The following SEPTIN9 variants were observed in gnomAD, a reference collection of about 807,000 sequenced individuals.
The protein encoded by SEPTIN9 is septin 9.
SEPTIN9 carries 13 observed loss-of-function variants against 56.6 expected under a neutral mutation model. The observed-to-expected ratio is 0.23, with a 90% confidence interval of 0.15 to 0.37. The LOEUF is 0.37. Ranked by LOEUF, SEPTIN9 falls within the 10% of genes least tolerant of loss-of-function variation. The pLI, the probability that SEPTIN9 is intolerant of heterozygous loss-of-function variation, is 1.00. For synonymous variants in SEPTIN9, 332 were observed against 334.1 expected, an observed-to-expected ratio of 0.99 and a Z score of 0.07; for missense variants, 650 against 823.1, an observed-to-expected ratio of 0.79 and a Z score of 2.57.
Position 77,488,772 on chromosome 17 carries a change from C to T in SEPTIN9, c.1170C>T (p.Tyr390=). 28 of 1,613,924 alleles carry T rather than the reference C, an allele frequency of 1.7e-5. No individual in the cohort carries two copies. Among genetic ancestry groups the T allele is most frequent in the Non-Finnish European group, 2.4e-5 (28 of 1,179,962 alleles). Residue 390 remains tyrosine (Y), a synonymous_variant, in exon 7 of 12, where the codon TAC becomes TAT. Transcript: ENST00000427177. ...MKFINDQYEK[Y]LQEEVNINRK... ...TCATCAATGACCAGTACGAGAAATA[C>T]CTGCAGGAGGAGGTCAACATCAACC...
chr17:77,334,584 A>G (rs1280152881), intron 2 of SEPTIN9, among the ~76,000 whole-genome samples: 1 of 151,750 alleles, frequency 6.6e-6, no homozygotes, highest in Non-Finnish European at 1.5e-5. Flanking sequence ...TTTTGTTTTC[A>G]TAAAGTCCAA....
intron 2 of SEPTIN9, among the ~76,000 whole-genome samples, chr17:77,332,730 T>C (rs1374693423): frequency 1.3e-5 from 2 of 152,172 alleles, no homozygotes; most frequent in Non-Finnish European, 2.9e-5. Context: ...TTGTGCTTTT[T>C]TTCCACCACG....
intron 1 of SEPTIN9, among the ~76,000 whole-genome samples, chr17:77,288,647 C>G (rs1345994219): frequency 1.3e-5 from 2 of 152,244 alleles, no homozygotes; most frequent in East Asian, 1.9e-4. Context: ...GTAACCCAAG[C>G]CAGTTGGAAG....
chr17:77,382,803 G>A (rs2035191605), intron 2 of SEPTIN9, among the ~76,000 whole-genome samples: 1 of 152,172 alleles, frequency 6.6e-6, no homozygotes, highest in Admixed American at 6.5e-5. Context: ...GCCCAGTACT[G>A]TGCAGAGGGA....
rs777458266 is a variant in SEPTIN9, at chr17:77,487,883, G to A, written c.1042+331G>A. On this transcript the variant is annotated intron_variant, in intron 5 of 11. Coordinates refer to ENST00000427177, the MANE Select transcript of SEPTIN9 (RefSeq NM_001113491.2). The surrounding 1 kb of genome is among the most constrained non-coding windows in gnomAD (Gnocchi z 4.3). ...GCACTGGTGCGGTGTGAGGGTGCCCGAGTCAGGCAATCCCAGGTCCCCAAG... is the reference window on the plus strand; with the variant it reads ...GCACTGGTGCGGTGTGAGGGTGCCCAAGTCAGGCAATCCCAGGTCCCCAAG... 1.4e-4 allele frequency among the ~76,000 whole-genome samples: 21 copies of A among 152,152 alleles called. No individual in the cohort carries two copies. Among genetic ancestry groups the A allele is most frequent in the Non-Finnish European group, 2.5e-4 (17 of 68,016 alleles).
chr17:77,352,405 TCAAAAA>T (rs57563817), intron 2 of SEPTIN9, among the ~76,000 whole-genome samples: 118 of 147,542 alleles, frequency 8.0e-4, no homozygotes, highest in Middle Eastern at 6.9e-3. Flanking sequence ...AGACTCCGTC[TCAAAAA>T]CAAAAACAAA....
chr17:77,304,985 G>T (rs1046564718), intron 1 of SEPTIN9, among the ~76,000 whole-genome samples: 1 of 151,930 alleles, frequency 6.6e-6, no homozygotes, highest in African/African-American at 2.4e-5. Context: ...CTCCCCTCCT[G>T]GTCCTGGGCA....
At chr17:77,337,989 G>A (rs2033608738) in intron 2 of SEPTIN9, among the ~76,000 whole-genome samples, 1 of 152,134 alleles carries the variant, frequency 6.6e-6, no homozygotes, top group African/African-American at 2.4e-5. Context: ...TTGAGGTTAG[G>A]AGTTTGAGAA....
intron 2 of SEPTIN9, among the ~76,000 whole-genome samples, chr17:77,311,416 C>G (rs1835795666): frequency 6.6e-6 from 1 of 152,160 alleles, no homozygotes; most frequent in Admixed American, 6.5e-5. Flanking sequence ...ACCCCGCCCG[C>G]AGGAAGTCTC....
At chr17:77,315,249 T>C (rs1451996763) in intron 2 of SEPTIN9, among the ~76,000 whole-genome samples, 1 of 151,614 alleles carries the variant, frequency 6.6e-6, no homozygotes, top group Non-Finnish European at 1.5e-5. Context: ...AAAGAAGCAG[T>C]TCCTAGGCCA....
In SEPTIN9 at chr17:77,402,880, C is replaced by G. The variant is rs538043626; in HGVS notation, c.721+177C>G. Among the ~76,000 whole-genome samples the G allele has an allele frequency of 6.6e-6, 1 of 152,288 alleles. No individual in the cohort carries two copies. The highest frequency in any genetic ancestry group is 2.4e-5 in the African/African-American group (1 of 41,538). On this transcript the variant is annotated intron_variant, in intron 3 of 11. Transcript: ENST00000427177. The surrounding 1 kb of genome is among the most constrained non-coding windows in gnomAD (Gnocchi z 6.6). The stretch of plus-strand genomic sequence containing the variant: ...CTGCAAGCTCAGGAGAGGTGGCTCT[C>G]TCTGTCTGATGGGAACATGCCAAGA...
At chr17:77,413,553 G>A (rs1300457134) in intron 3 of SEPTIN9, among the ~76,000 whole-genome samples, 1 of 152,172 alleles carries the variant, frequency 6.6e-6, no homozygotes, top group Non-Finnish European at 1.5e-5. Context: ...CCAGCGTCCT[G>A]GGATGCTCCA....
intron 3 of SEPTIN9, among the ~76,000 whole-genome samples, chr17:77,481,403 G>C (rs902931100): frequency 3.9e-5 from 5 of 127,464 alleles, no homozygotes; most frequent in African/African-American, 1.4e-4. Flanking sequence ...TGGTGCAGGG[G>C]CCCCCCTCCT....
rs552335430 is a variant in SEPTIN9, at chr17:77,464,640, G to A, written c.722-17504G>A. On this transcript the variant is annotated intron_variant, in intron 3 of 11. Transcript: ENST00000427177. ...TTTTGAGACGGAGTCTCGCTCTGTC[G>A]CCCAGGCTGGAGTGCAGTGGCGCGA... Among the ~76,000 whole-genome samples the A allele has an allele frequency of 2.1e-4, 31 of 148,608 alleles. 1 individual carries two copies. In the South Asian group the frequency reaches 4.9e-3, roughly 23 times the overall value.
intron 2 of SEPTIN9, among the ~76,000 whole-genome samples, chr17:77,349,807 T>C (rs2034001016): frequency 1.3e-5 from 2 of 152,230 alleles, no homozygotes; most frequent in Non-Finnish European, 2.9e-5. Context: ...TTCTGCAGAA[T>C]TGACCAGATA....
intron 3 of SEPTIN9, among the ~76,000 whole-genome samples, chr17:77,406,650 T>TTGTTTTTTTTTG (rs2036085736): frequency 6.6e-6 from 1 of 151,372 alleles, no homozygotes; most frequent in Non-Finnish European, 1.5e-5. Context: ...GCTGTTGTCT[T>TTGTTTTTTTTTG]TGTTTTTTTT....
At chr17:77,401,802 G>A (rs1011038901) in intron 2 of SEPTIN9, among the ~76,000 whole-genome samples, 26 of 152,130 alleles carry the variant, frequency 1.7e-4, no homozygotes, top group African/African-American at 5.8e-4. Context: ...GAGGCTGTGT[G>A]GTTTGCGCCG....
intron 3 of SEPTIN9, among the ~76,000 whole-genome samples, chr17:77,460,558 C>T (rs312844): frequency 0.096 from 14,669 of 152,174 alleles, 1,785 homozygotes; most frequent in African/African-American, 0.28. Context: ...GTTTGGGATA[C>T]GGGGAGCGAG....
intron 3 of SEPTIN9, among the ~76,000 whole-genome samples, chr17:77,408,464 TG>T (rs2036171286): frequency 6.6e-6 from 1 of 152,212 alleles, no homozygotes; most frequent in East Asian, 1.9e-4. Flanking sequence ...GAGCTGATGA[TG>T]GTGGGCGTGG....
Sources: allele counts gnomAD v4.1 joint callset (sites outside exome capture counted in the v4.1 genomes callset), GRCh38; gene constraint gnomAD v4.1.1; non-coding constraint Gnocchi (gnomAD v3.1); transcripts MANE v1.5; gene names NCBI Gene and HGNC (gene_info 2026-07-23, HGNC 2026-07-21).